The following WDR59 variants were observed in gnomAD, a reference collection of about 807,000 sequenced individuals.
WDR59 encodes WD repeat domain 59, also known as GATOR2 complex protein WDR59.
In WDR59, 100 loss-of-function variants were observed where a neutral mutation model predicts 131.2. That is an observed-to-expected ratio of 0.76 (90% CI 0.65 to 0.90). The LOEUF is 0.90. WDR59 is among the 40% of genes least tolerant of loss of function. The probability of loss-of-function intolerance (pLI) is 0.00; values close to 1 mark genes in which losing one functional copy is unlikely to be tolerated. For synonymous variants in WDR59, 601 were observed against 466.2 expected, an observed-to-expected ratio of 1.29 and a Z score of -3.72; for missense variants, 1,203 against 1,262.2, an observed-to-expected ratio of 0.95 and a Z score of 0.71.
chr16:74,958,620 A>AAAAAAAAAAAAAAAAAAAAAAAAAAAC (rs1199806175), intron 2 of WDR59, among the ~76,000 whole-genome samples: 1 of 141,148 alleles, frequency 7.1e-6, no homozygotes, highest in Non-Finnish European at 1.5e-5. Flanking sequence ...AAAAAAAAAA[A>AAAAAAAAAAAAAAAAAAAAAAAAAAAC]CAAGCTAAAT....
intron 18 of WDR59, among the ~76,000 whole-genome samples, chr16:74,899,918 TAAGCACAGCGG>T (rs927222162): frequency 6.6e-6 from 1 of 152,192 alleles, no homozygotes; most frequent in African/African-American, 2.4e-5. Flanking sequence ...AATCTGAACC[TAAGCACAGCGG>T]AATTCGGCTT....
chr16:74,919,103 G>C (rs996931453), intron 10 of WDR59, among the ~76,000 whole-genome samples: 2 of 151,880 alleles, frequency 1.3e-5, no homozygotes, highest in African/African-American at 4.8e-5. Context: ...TCAACCCCTC[G>C]ACCTGTGCCT....
intron 1 of WDR59, among the ~76,000 whole-genome samples, chr16:74,981,617 T>TATATATATATATATAC (rs1232830067): frequency 9.8e-4 from 1 of 1,024 alleles, no homozygotes; most frequent in African/African-American, 1.7e-3. Context: ...CATTTACATA[T>TATATATATATATATAC]ATATATATAT....
At chr16:74,910,547 A>C (rs1966036177) in intron 14 of WDR59, among the ~76,000 whole-genome samples, 2 of 152,182 alleles carry the variant, frequency 1.3e-5, no homozygotes. Context: ...TTGCTCCATG[A>C]GAAACGTCAG....
intron 9 of WDR59, among the ~76,000 whole-genome samples, chr16:74,922,846 C>T (rs1401673906): frequency 6.6e-6 from 1 of 152,170 alleles, no homozygotes; most frequent in East Asian, 1.9e-4. Flanking sequence ...TCTTGGCAAG[C>T]GATCCCAGGT....
At chr16:74,878,765 C>A (rs1409728865) in intron 25 of WDR59, among the ~76,000 whole-genome samples, 1 of 152,238 alleles carries the variant, frequency 6.6e-6, no homozygotes, top group South Asian at 2.1e-4. Context: ...GATTTGTCAA[C>A]GTCCTCAGTG....
At chr16:74,966,394 C>T (rs1475240495) in intron 1 of WDR59, among the ~76,000 whole-genome samples, 1 of 152,116 alleles carries the variant, frequency 6.6e-6, no homozygotes, top group East Asian at 1.9e-4. Context: ...GCAGGAGAAT[C>T]GCTTGAACGT....
At chr16:74,882,829 A>AAAAGAAAG (rs1357822440) in intron 25 of WDR59, among the ~76,000 whole-genome samples, 3 of 135,564 alleles carry the variant, frequency 2.2e-5, no homozygotes, top group African/African-American at 8.4e-5. Context: ...AAAAAAAAAA[A>AAAAGAAAG]AAAGAAAGAA....
chr16:74,921,768 A>G, intron 10 of WDR59, among the ~76,000 whole-genome samples, 179 bp downstream of exon 10: 1 of 108,098 alleles, frequency 9.3e-6, no homozygotes, highest in South Asian at 3.1e-4. Context: ...GAAGAGTAAC[A>G]GCAGCCTTAT....
chr16:74,915,549 C>T (rs1028999280), intron 13 of WDR59: 3 of 220,094 alleles, frequency 1.4e-5, no homozygotes, highest in African/African-American at 6.9e-5. Context: ...TGTGCCTCAG[C>T]CTCTCGAGTA....
At chr16:74,904,209 G>A in intron 17 of WDR59, 109 bp from the exon 18 acceptor site, 5 of 1,337,796 alleles carry the variant, frequency 3.7e-6, no homozygotes, top group Non-Finnish European at 3.1e-6. Context: ...ATGAGAAGAT[G>A]GAAACTCCAG....
At chr16:74,893,292 C>T (rs889975168) in intron 19 of WDR59, among the ~76,000 whole-genome samples, 3 of 152,180 alleles carry the variant, frequency 2.0e-5, no homozygotes, top group African/African-American at 7.2e-5. Context: ...TGAGCCATTC[C>T]TGCTGGTCTC....
At position 74,923,828 on chromosome 16, in the gene WDR59, C is replaced by T. The variant is rs1270079164; in HGVS notation, c.729+98G>A. The T allele has an allele frequency of 5.5e-6, 6 of 1,082,370 alleles. No individual in the cohort carries two copies. The East Asian group carries it at 1.3e-4, about 23-fold the overall frequency. The allele number at this position is 1,082,370 out of a possible 1,614,324, so 67.0% of individuals were successfully genotyped here. A position where few individuals can be genotyped will look rare whatever the true frequency, so the allele number is the denominator to read the frequency against. Reference sequence around the variant, plus strand: ...CTAAACCAACAGAGAAAGAGAAAATCACCTCACAAAGAAAATAAGAGAAAA... The same window carrying T: ...CTAAACCAACAGAGAAAGAGAAAATTACCTCACAAAGAAAATAAGAGAAAA... On this transcript the variant is annotated intron_variant, in intron 9 of 25. Coordinates refer to ENST00000262144, the MANE Select transcript of WDR59 (RefSeq NM_030581.4).
chr16:74,961,184 C>A (rs1230373456), intron 2 of WDR59, among the ~76,000 whole-genome samples: 2 of 151,664 alleles, frequency 1.3e-5, no homozygotes, highest in African/African-American at 4.8e-5. Context: ...TGGTACATGC[C>A]GGCAGTCCCA....
intron 3 of WDR59, among the ~76,000 whole-genome samples, chr16:74,952,346 G>A (rs567055439): frequency 1.3e-5 from 2 of 151,416 alleles, no homozygotes; most frequent in African/African-American, 2.4e-5. Flanking sequence ...ACAGGCTGAG[G>A]TGGGAGGATC....
intron 7 of WDR59, among the ~76,000 whole-genome samples, chr16:74,940,922 T>C (rs1393936726): frequency 6.6e-6 from 1 of 151,982 alleles, no homozygotes; most frequent in African/African-American, 2.4e-5. Context: ...GCCAGGATGG[T>C]CTCGATCTCC....
chr16:74,944,996 T>C (rs1409885263), intron 6 of WDR59, among the ~76,000 whole-genome samples: 1 of 151,794 alleles, frequency 6.6e-6, no homozygotes, highest in Non-Finnish European at 1.5e-5. Context: ...TGGTGGCCCA[T>C]GCCTGCAGTC....
intron 25 of WDR59, among the ~76,000 whole-genome samples, chr16:74,885,251 G>A (rs550462943): frequency 3.3e-5 from 5 of 152,076 alleles, no homozygotes; most frequent in South Asian, 2.1e-4. Context: ...TCAGGAGTTC[G>A]AGACCAGCCT....
At chr16:74,925,055 T>C (rs958967957) in intron 8 of WDR59, among the ~76,000 whole-genome samples, 1 of 152,244 alleles carries the variant, frequency 6.6e-6, no homozygotes, top group Non-Finnish European at 1.5e-5. Context: ...ATAGTGGCTC[T>C]ATTCACAATC....
Sources: allele counts gnomAD v4.1 joint callset (sites outside exome capture counted in the v4.1 genomes callset), GRCh38; gene constraint gnomAD v4.1.1; transcripts MANE v1.5; gene names NCBI Gene and HGNC (gene_info 2026-07-23, HGNC 2026-07-21).